The following LARP4 variants were observed in gnomAD, a reference collection of about 807,000 sequenced individuals.
The protein encoded by LARP4 is la-related protein 4.
LARP4 carries 29 observed loss-of-function variants against 92.9 expected under a neutral mutation model. The observed-to-expected ratio is 0.31, with a 90% CI of 0.23 to 0.43. LARP4 has a LOEUF of 0.43. LARP4 is among the 20% of genes least tolerant of loss of function. LARP4 has a pLI of 1.00. For missense variants in LARP4, 732 were observed against 860.0 expected (o/e 0.85, Z 1.86); for synonymous variants, 279 against 284.1 (o/e 0.98, Z 0.18).
Position 50,461,326 on chromosome 12 carries a change from A to G in LARP4, c.1313A>G (p.Asn438Ser), listed in dbSNP as rs201082833. Residue 438 changes from asparagine to serine, a missense_variant, in exon 11 of 16, where the codon AAT becomes AGT. By Grantham distance (46) the Asn-to-Ser change is conservative (BLOSUM62 1). This residue lies in a region of LARP4 where 264 missense variants were observed against 269.5 expected (regional missense o/e 0.98). Coordinates refer to ENST00000398473, the MANE Select transcript of LARP4 (RefSeq NM_052879.5). ...KETSTLQVEQ[N>S]GDYGRGRRTL... is the part of the protein sequence containing the mutation. Reference sequence around the variant, plus strand: ...ACTTCCACTTTGCAGGTGGAACAGAATGGGGACTATGGTAGGGGCAGGTAA... The same window carrying G: ...ACTTCCACTTTGCAGGTGGAACAGAGTGGGGACTATGGTAGGGGCAGGTAA... 1.1e-5 allele frequency: 17 copies of G among 1,614,024 alleles called. No individual in the cohort carries two copies. In the African/African-American group the frequency reaches 2.3e-4, roughly 22 times the overall value.
chr12:50,473,796 T>A (rs1433684690), intron 14 of LARP4, among the ~76,000 whole-genome samples: 1 of 10,486 alleles, frequency 9.5e-5, no homozygotes, highest in African/African-American at 4.4e-4. Flanking sequence ...AACCGGGGGG[T>A]GGGGGTGGGT....
intron 8 of LARP4, among the ~76,000 whole-genome samples, chr12:50,448,681 C>T (rs759339963): frequency 5.9e-5 from 9 of 151,912 alleles, no homozygotes; most frequent in Non-Finnish European, 8.8e-5. Flanking sequence ...CCCACCACCA[C>T]GCCTGGCTAA....
At chr12:50,415,039 C>T (rs1946529443) in intron 1 of LARP4, among the ~76,000 whole-genome samples, 1 of 151,978 alleles carries the variant, frequency 6.6e-6, no homozygotes. Context: ...CCTGTGTCTA[C>T]TAAACATACT....
At chr12:50,469,616 A>T (rs1956660566) in intron 13 of LARP4, among the ~76,000 whole-genome samples, 1 of 148,362 alleles carries the variant, frequency 6.7e-6, no homozygotes, top group African/African-American at 2.5e-5. Flanking sequence ...AAAAAAAAAA[A>T]AAAAAAAGTA....
Position 50,450,263 on chromosome 12 carries a change from G to A in LARP4, c.805-3197G>A, listed in dbSNP as rs542950541. Among the ~76,000 whole-genome samples the A allele has an allele frequency of 2.6e-5, 4 of 152,132 alleles. No homozygotes were observed. The East Asian group carries it at 5.8e-4, about 22-fold the overall frequency. On this transcript the variant is annotated intron_variant, in intron 8 of 15. Transcript: ENST00000398473. Reference sequence around the variant, plus strand: ...CAATCTTTACTGGTTACCTTGCTGTGCAGTTTGTCAAGATGTTCCAGGCTC... The same window carrying A: ...CAATCTTTACTGGTTACCTTGCTGTACAGTTTGTCAAGATGTTCCAGGCTC...
At chr12:50,429,901 A>G (rs572856283) in intron 3 of LARP4, among the ~76,000 whole-genome samples, 1 of 152,252 alleles carries the variant, frequency 6.6e-6, no homozygotes, top group South Asian at 2.1e-4. Context: ...TGGCCTCCCA[A>G]AGTGCTGGGA....
chr12:50,441,557 C>T (rs1951207042), intron 7 of LARP4, 33 bp from the exon 8 acceptor site: 1 of 1,464,420 alleles, frequency 6.8e-7, no homozygotes. Context: ...TGTTTGAATG[C>T]TAATGAAAGT....
chr12:50,441,556 G>T, intron 7 of LARP4, 34 bp from the exon 8 acceptor site: 1 of 1,447,444 alleles, frequency 6.9e-7, no homozygotes, highest in Non-Finnish European at 9.5e-7. Context: ...ATGTTTGAAT[G>T]CTAATGAAAG....
intron 12 of LARP4, among the ~76,000 whole-genome samples, chr12:50,462,948 C>T (rs1270529655): frequency 6.6e-6 from 1 of 151,954 alleles, no homozygotes; most frequent in Non-Finnish European, 1.5e-5. Flanking sequence ...CTTTCTTTTC[C>T]AAGACACAGG....
chr12:50,427,969 G>A (rs1949048332), intron 2 of LARP4, 60 bp downstream of exon 2: 3 of 739,292 alleles, frequency 4.1e-6, no homozygotes, highest in South Asian at 4.6e-5. Context: ...GGCCAAGCAA[G>A]TTTACTGAAC....
intron 8 of LARP4, among the ~76,000 whole-genome samples, chr12:50,452,462 A>G (rs953713416): frequency 4.5e-4 from 68 of 152,300 alleles, no homozygotes; most frequent in Non-Finnish European, 2.8e-4. Context: ...GATTACAGGC[A>G]TGAGCCACTG....
At chr12:50,410,946 GA>G (rs1357873407) in intron 1 of LARP4, among the ~76,000 whole-genome samples, 3 of 152,098 alleles carry the variant, frequency 2.0e-5, no homozygotes, top group Non-Finnish European at 2.9e-5. Flanking sequence ...CAATAATACT[GA>G]TGATAATATT....
chr12:50,438,906 T>C (rs1246338345), intron 6 of LARP4, among the ~76,000 whole-genome samples: 2 of 152,202 alleles, frequency 1.3e-5, no homozygotes, highest in Non-Finnish European at 2.9e-5. Flanking sequence ...GTAACTGACA[T>C]TGTAATTGAT....
At chr12:50,456,397 C>A (rs2138423980) in intron 10 of LARP4, among the ~76,000 whole-genome samples, 1 of 150,800 alleles carries the variant, frequency 6.6e-6, no homozygotes, top group African/African-American at 2.4e-5. Context: ...TCTAAAAATG[C>A]AAATAAAGAC....
chr12:50,419,666 G>A (rs1004746444), intron 1 of LARP4, among the ~76,000 whole-genome samples: 3 of 152,054 alleles, frequency 2.0e-5, no homozygotes, highest in African/African-American at 4.8e-5. Context: ...CAGCACTTTC[G>A]GAGACCAAGG....
chr12:50,437,872 C>T (rs781172461), intron 6 of LARP4, 34 bp downstream of exon 6: 62 of 1,335,554 alleles, frequency 4.6e-5, no homozygotes, highest in Non-Finnish European at 6.6e-5. Context: ...ACTAAATGTT[C>T]TCTGTTTAAA....
At chr12:50,403,935 G>GAAAC (rs59173556) in intron 1 of LARP4, among the ~76,000 whole-genome samples, 2 of 152,108 alleles carry the variant, frequency 1.3e-5, no homozygotes, top group Non-Finnish European at 2.9e-5. Context: ...TTAGTGATAA[G>GAAAC]TAAGGCAGCT....
chr12:50,411,438 C>A (rs1184768439), intron 1 of LARP4, among the ~76,000 whole-genome samples: 1 of 151,968 alleles, frequency 6.6e-6, no homozygotes, highest in Non-Finnish European at 1.5e-5. Context: ...CAACCCCTGC[C>A]TCCCGGGTTC....
rs548252205 is a variant in LARP4 at position 50,470,631 on chromosome 12, A to G, written c.1546-2784A>G. Among the ~76,000 whole-genome samples, 129 of 152,100 alleles carry G rather than the reference A, an allele frequency of 8.5e-4. 1 individual carries two copies. The highest frequency in any genetic ancestry group is 1.6e-3 in the Non-Finnish European group (109 of 68,006). On this transcript the variant is annotated intron_variant, in intron 13 of 15. Transcript: ENST00000398473. ...GTGTTTTTAGTAGAGATGGGGTTTC[A>G]CCATGTTAGCCAGGGTGGTCTCGAA... is the stretch of plus-strand genomic sequence containing the variant.
Sources: gnomAD v4.1 joint callset for allele counts (sites outside exome capture counted in the v4.1 genomes callset) on GRCh38, gnomAD v4.1.1 for gene constraint, gnomAD v4.1.1 regional missense constraint, MANE v1.5 for transcripts, NCBI Gene and HGNC (gene_info 2026-07-23, HGNC 2026-07-21) for gene names.